RPS6KA5: variants seen among roughly 807,000 people sequenced by gnomAD.
RPS6KA5 encodes the protein ribosomal protein S6 kinase alpha-5.
In RPS6KA5, 27 loss-of-function variants were observed where a neutral mutation model predicts 85.5. The observed-to-expected ratio is 0.32, with a 90% CI of 0.23 to 0.44. The LOEUF is 0.44. Ranked by LOEUF, RPS6KA5 falls within the 20% of genes least tolerant of loss-of-function variation. RPS6KA5 has a pLI of 1.00. For synonymous variants in RPS6KA5, 334 were observed against 348.2 expected, an observed-to-expected ratio of 0.96 and a Z score of 0.46; for missense variants, 811 against 980.9, an observed-to-expected ratio of 0.83 and a Z score of 2.31.
chr14:90,956,892 G>A (rs2038541835), intron 3 of RPS6KA5, among the ~76,000 whole-genome samples: 1 of 150,574 alleles, frequency 6.6e-6, no homozygotes, highest in Non-Finnish European at 1.5e-5. Context: ...TTTCAAAGAA[G>A]CTGAGACAAG....
At position 90,967,372 on chromosome 14, in the gene RPS6KA5, G is replaced by GAGCC. The variant is rs150761999; in HGVS notation, c.394+10930_394+10933dup. 5.3e-3 allele frequency among the ~76,000 whole-genome samples: 809 copies of GAGCC among 152,214 alleles called. 2 individuals carry two copies. The highest frequency in any genetic ancestry group is 0.019 in the African/African-American group (770 of 41,508). Reference sequence around the variant, plus strand: ...GATTAAATGAGCTACTGAGGATTATGAGCCAGGCATACAGTAGGCATTTGT... The same window carrying GAGCC: ...GATTAAATGAGCTACTGAGGATTATGAGCCAGCCAGGCATACAGTAGGCATTTGT... On this transcript the variant is annotated intron_variant, in intron 3 of 16. Coordinates refer to ENST00000614987, the MANE Select transcript of RPS6KA5 (RefSeq NM_004755.4).
chr14:90,899,199 C>T (rs1005899348), intron 12 of RPS6KA5, 130 bp downstream of exon 12: 2 of 631,704 alleles, frequency 3.2e-6, no homozygotes, highest in Non-Finnish European at 5.5e-6. Flanking sequence ...GTTTCACTGC[C>T]CTTTCTGGTG....
rs1458905369 is a variant in RPS6KA5 at position 90,911,001 on chromosome 14, T to C, written c.807-4702A>G. On this transcript the variant is annotated intron_variant, in intron 7 of 16. Coordinates refer to ENST00000614987, the MANE Select transcript of RPS6KA5 (RefSeq NM_004755.4). The stretch of plus-strand genomic sequence containing the variant: ...TGCCTGGGGATGCTCTTAAACCCAC[T>C]GAAGTCTTTGTTCAAGTGTCAACTT... Among the ~76,000 whole-genome samples, 3 of 152,300 alleles carry C rather than the reference T, an allele frequency of 2.0e-5. No individual in the cohort carries two copies. The East Asian group carries it at 5.8e-4, about 29-fold the overall frequency.
intron 3 of RPS6KA5, among the ~76,000 whole-genome samples, chr14:90,952,355 G>A (rs886225742): frequency 9.9e-5 from 15 of 152,170 alleles, no homozygotes; most frequent in African/African-American, 3.4e-4. Context: ...TCTGGATATC[G>A]GTAACTTTAC....
In RPS6KA5 at chr14:90,923,341, G is replaced by C. The variant is rs1161768797; in HGVS notation, c.619-145C>G. 5 of 647,164 alleles carry C rather than the reference G, an allele frequency of 7.7e-6. No homozygotes were observed. In the Admixed American group the frequency reaches 1.2e-4, roughly 15 times the overall value. 40.1% of individuals were successfully genotyped at this position (647,164 alleles called of 1,614,324 possible). On this transcript the variant is annotated intron_variant, in intron 5 of 16. Transcript: ENST00000614987. ...TACTTGACAGACCCACTCTTCACTG[G>C]AACAGACCACTGTCTACATAATATG...
rs2036493966 is a variant in RPS6KA5 at position 90,923,266 on chromosome 14, T to C, written c.619-70A>G. 7 of 1,209,554 alleles carry C rather than the reference T, an allele frequency of 5.8e-6. No individual in the cohort carries two copies. In the African/African-American group the frequency reaches 7.5e-5, roughly 13 times the overall value. 74.9% of individuals were successfully genotyped at this position (1,209,554 alleles called of 1,614,324 possible). A position where few individuals can be genotyped will look rare whatever the true frequency, so the allele number is the denominator to read the frequency against. On this transcript the variant is annotated intron_variant, in intron 5 of 16. Transcript: ENST00000614987. The stretch of plus-strand genomic sequence containing the variant: ...GACAAGTGACAAAAGAAGAAAGTAA[T>C]ACATGTTAGTGGTTGAGATACACTA...
intron 3 of RPS6KA5, among the ~76,000 whole-genome samples, chr14:90,953,333 C>T (rs533763135): frequency 6.6e-5 from 10 of 152,222 alleles, no homozygotes; most frequent in South Asian, 4.1e-4. Context: ...ATTTCTTATA[C>T]GTGTCTTAAT....
At chr14:90,887,488 G>A (rs2034298834) in intron 14 of RPS6KA5, among the ~76,000 whole-genome samples, 1 of 151,902 alleles carries the variant, frequency 6.6e-6, no homozygotes, top group African/African-American at 2.4e-5. Context: ...TCCATAAAAG[G>A]CAAGCACCTT....
intron 5 of RPS6KA5, among the ~76,000 whole-genome samples, chr14:90,934,797 G>A (rs2037173915): frequency 6.6e-6 from 1 of 152,110 alleles, no homozygotes; most frequent in Non-Finnish European, 1.5e-5. Context: ...GGAATCAAAG[G>A]TCTGCTCAGA....
intron 3 of RPS6KA5, among the ~76,000 whole-genome samples, chr14:90,950,950 G>A (rs548349352): frequency 2.9e-4 from 44 of 151,676 alleles, no homozygotes; most frequent in Non-Finnish European, 6.3e-4. Context: ...GTGAAACCCT[G>A]TCTCTACTAA....
chr14:90,914,105 T>C (rs926899768), intron 7 of RPS6KA5, among the ~76,000 whole-genome samples: 1 of 152,086 alleles, frequency 6.6e-6, no homozygotes, highest in African/African-American at 2.4e-5. Context: ...GGCTGACCTT[T>C]TAGACTCTGG....
chr14:90,905,802 A>G (rs1295369690), intron 8 of RPS6KA5, among the ~76,000 whole-genome samples: 6 of 152,232 alleles, frequency 3.9e-5, no homozygotes, highest in Admixed American at 3.9e-4. Context: ...TGAAAAGTAC[A>G]GTAAAAGTCT....
At chr14:90,927,353 A>G (rs1307106846) in intron 5 of RPS6KA5, among the ~76,000 whole-genome samples, 1 of 152,154 alleles carries the variant, frequency 6.6e-6, no homozygotes, top group Non-Finnish European at 1.5e-5. Context: ...AGAGAAATAA[A>G]TAAAAATATA....
Position 90,855,215 on chromosome 14 carries a change from T to C in RPS6KA5, c.*16859A>G, listed in dbSNP as rs1025250092. 1.3e-5 allele frequency: 2 copies of C among 152,228 alleles called. No homozygotes were observed. The highest frequency in any genetic ancestry group is 4.8e-5 in the African/African-American group (2 of 41,462). 9.4% of individuals were successfully genotyped at this position (152,228 alleles called of 1,614,324 possible). ...CATAGCTTCTGACTACTTAGTAAAA[T>C]GGCAAAATCATGAATGGCATTAATT... On this transcript the variant is annotated 3_prime_UTR_variant, in exon 17 of 17. Transcript: ENST00000614987.
intron 13 of RPS6KA5, among the ~76,000 whole-genome samples, chr14:90,892,050 G>A (rs914674105): frequency 4.0e-5 from 6 of 149,766 alleles, no homozygotes; most frequent in Non-Finnish European, 5.9e-5. Context: ...CCAGGCTGGC[G>A]TGCAGTGGTG....
intron 15 of RPS6KA5, among the ~76,000 whole-genome samples, chr14:90,874,577 C>T (rs1157413922): frequency 6.6e-6 from 1 of 152,152 alleles, no homozygotes; most frequent in Non-Finnish European, 1.5e-5. Flanking sequence ...AACAGAGAGT[C>T]TCCAAAGGAT....
intron 1 of RPS6KA5, among the ~76,000 whole-genome samples, chr14:91,041,084 A>T (rs2042591698): frequency 6.6e-6 from 1 of 152,216 alleles, no homozygotes; most frequent in African/African-American, 2.4e-5. Context: ...TTTTTACAAA[A>T]AGACTCAAAT....
intron 3 of RPS6KA5, among the ~76,000 whole-genome samples, chr14:90,952,537 A>T (rs967155266): frequency 6.6e-5 from 10 of 152,246 alleles, no homozygotes; most frequent in African/African-American, 1.9e-4. Flanking sequence ...CTATTCAAAC[A>T]GCTCATTTTG....
chr14:91,039,143 G>T (rs538103377), intron 1 of RPS6KA5, among the ~76,000 whole-genome samples: 307 of 152,180 alleles, frequency 2.0e-3, no homozygotes, highest in Middle Eastern at 0.01. Context: ...TTCAATTCTA[G>T]TCCCAATCCC....
Sources: gnomAD v4.1 joint callset for allele counts (sites outside exome capture counted in the v4.1 genomes callset) on GRCh38, gnomAD v4.1.1 for gene constraint, MANE v1.5 for transcripts, NCBI Gene and HGNC (gene_info 2026-07-23, HGNC 2026-07-21) for gene names.